Variants in PRDX1 observed in about 807,000 individuals in gnomAD.
PRDX1 encodes peroxiredoxin-1.
A neutral mutation model predicts 20.7 loss-of-function variants in PRDX1; 19 were observed. The ratio of observed to expected loss-of-function variants is 0.92; its 90% CI spans 0.64 to 1.35. The LOEUF (loss-of-function observed/expected upper bound fraction) is 1.35, where lower values mean the gene tolerates loss of function less well. PRDX1 is among the 40% of genes most tolerant of loss of function. PRDX1 has a pLI of 0.00. For synonymous variants in PRDX1, 89 were observed against 83.9 expected (o/e 1.06, Z -0.33); for missense variants, 226 against 240.0 (o/e 0.94, Z 0.38).
At position 45,518,510 on chromosome 1, in the gene PRDX1, A is replaced by G. The variant is rs34965970; in HGVS notation, c.106+428T>C. On this transcript the variant is annotated intron_variant, in intron 2 of 5. Coordinates refer to ENST00000319248, the MANE Select transcript of PRDX1 (RefSeq NM_181697.3). ...AAAAAAGTACAAAAATTAGCCAGGC[A>G]TGGCAGCATGCCCCTACAGTCCCAG... Among the ~76,000 whole-genome samples, 959 of 149,824 alleles carry G rather than the reference A, an allele frequency of 6.4e-3. 9 individuals are homozygous for G. The highest frequency in any genetic ancestry group is 0.023 in the African/African-American group (925 of 40,676).
At chr1:45,519,204 G>C in intron 1 of PRDX1, 150 bp from the exon 2 acceptor site, 1 of 568,714 alleles carries the variant, frequency 1.8e-6, no homozygotes, top group Non-Finnish European at 3.0e-6. Context: ...AGAAGCTCCA[G>C]CCAGCAGTCA....
At chr1:45,513,585 C>A (rs1393798018) in intron 5 of PRDX1, among the ~76,000 whole-genome samples, 1 of 152,150 alleles carries the variant, frequency 6.6e-6, no homozygotes, top group African/African-American at 2.4e-5. Flanking sequence ...CCATTTTGTT[C>A]TGTACTAAGA....
In PRDX1 at chr1:45,515,658, C is replaced by T. The variant is rs753434925; in HGVS notation, c.256G>A (p.Ala86Thr). 5 of 1,566,072 alleles carry T rather than the reference C, an allele frequency of 3.2e-6. No individual in the cohort carries two copies. The South Asian group carries it at 5.9e-5, about 18-fold the overall frequency. ...ASVDSHFCHLAWVNTPKKQGG... is the reference protein window; with the variant it reads ...ASVDSHFCHLTWVNTPKKQGG... ...CAAATAGACCAAGAGATTTACCATG[C>T]TAGATGACAGAAGTGAGAATCCACA... The change falls in exon 3 of 6, where the codon GCA becomes ACA. Residue 86 changes from alanine to threonine, a missense_variant. Physicochemically the swap from Ala to Thr is moderately conservative, Grantham distance 58 (BLOSUM62 0). Transcript: ENST00000319248.
intron 2 of PRDX1, among the ~76,000 whole-genome samples, chr1:45,517,691 A>G (rs1643873371): frequency 6.7e-6 from 1 of 150,086 alleles, no homozygotes; most frequent in Admixed American, 6.7e-5. Context: ...CTGAGGCCTG[A>G]GAATGGCATG....
In PRDX1 at chr1:45,521,097, T is replaced by C. The variant is rs550506059; in HGVS notation, c.-12+732A>G. Among the ~76,000 whole-genome samples, 17 of 152,320 alleles carry C rather than the reference T, an allele frequency of 1.1e-4. No homozygotes were observed. In the East Asian group the frequency reaches 1.2e-3, roughly 10 times the overall value. On this transcript the variant is annotated intron_variant, in intron 1 of 5. Coordinates refer to ENST00000319248, the MANE Select transcript of PRDX1 (RefSeq NM_181697.3). ...ACCAAAAACTAAGGCATGCTGCAAC[T>C]TGGTGCCCCCAAATGGCCTTCTCGT...
At chr1:45,520,205 C>CAAAAAAAAAA (rs59260423) in intron 1 of PRDX1, among the ~76,000 whole-genome samples, 47 of 91,004 alleles carry the variant, frequency 5.2e-4, no homozygotes, top group African/African-American at 2.1e-3. Context: ...ACTCTGTCTC[C>CAAAAAAAAAA]AAAAAAAAAA....
At chr1:45,512,789 G>A (rs1469452154) in intron 5 of PRDX1, 1 of 152,232 alleles carries the variant, frequency 6.6e-6, no homozygotes, top group African/African-American at 2.4e-5. Flanking sequence ...AGTCTCAGCA[G>A]GTGTCAGCTG....
At chr1:45,521,058 G>GACAAAAA (rs1167901565) in intron 1 of PRDX1, among the ~76,000 whole-genome samples, 2 of 152,090 alleles carry the variant, frequency 1.3e-5, no homozygotes, top group African/African-American at 2.4e-5. Context: ...CACCTTTAAC[G>GACAAAAA]ACAAAAAACA....
chr1:45,517,021 CAAA>C (rs10700951), intron 2 of PRDX1, among the ~76,000 whole-genome samples: 6 of 89,660 alleles, frequency 6.7e-5, no homozygotes, highest in Admixed American at 1.3e-4. Context: ...AATTCCACCT[CAAA>C]AAAAAAAAAA....
In PRDX1 at chr1:45,515,829, T is replaced by TGGTTAGCA. The variant is rs771640438; in HGVS notation, c.107-30_107-23dup. ...TTTCCTGGGGGGAAAATCGGAGTCA[T>TGGTTAGCA]GGTTAGCATTTGACACAGACTTCCT... is the stretch of plus-strand genomic sequence containing the variant. On this transcript the variant is annotated intron_variant, in intron 2 of 5. Coordinates refer to ENST00000319248, the MANE Select transcript of PRDX1 (RefSeq NM_181697.3). 1.8e-5 allele frequency: 28 copies of TGGTTAGCA among 1,539,082 alleles called. No individual in the cohort carries two copies. In the East Asian group the frequency reaches 6.5e-4, roughly 36 times the overall value.
At position 45,515,780 on chromosome 1, in the gene PRDX1, G is replaced by C. The variant is rs1448035271; in HGVS notation, c.134C>G (p.Pro45Arg). Residue 45 changes from proline (P) to arginine (R), a missense_variant, in exon 3 of 6, where the codon CCT (proline) becomes CGT (arginine). Physicochemically the swap from Pro to Arg is moderately radical, Grantham distance 103. Transcript: ENST00000319248. Reference sequence around the variant, plus strand: ...GGGGCACACAAAGGTGAAGTCAAGAGGGTAAAAGAAGAACACAACATATTT... The same window carrying C: ...GGGGCACACAAAGGTGAAGTCAAGACGGTAAAAGAAGAACACAACATATTT... ...KGKYVVFFFY[P>R]LDFTFVCPTE... 9 of 1,581,690 alleles carry C rather than the reference G, an allele frequency of 5.7e-6. No individual in the cohort carries two copies. Among genetic ancestry groups the C allele is most frequent in the Non-Finnish European group, 7.7e-6 (9 of 1,169,220 alleles).
intron 2 of PRDX1, among the ~76,000 whole-genome samples, chr1:45,516,718 C>G (rs760350068): frequency 1.8e-4 from 28 of 151,990 alleles, no homozygotes; most frequent in Non-Finnish European, 3.5e-4. Context: ...AAAAGTCAAA[C>G]AGGCTGGGTG....
In PRDX1 at chr1:45,511,359, C is replaced by G. The variant is rs1296740526; in HGVS notation, c.570G>C (p.Lys190Asn). 4 of 1,613,170 alleles carry G rather than the reference C, an allele frequency of 2.5e-6. No homozygotes were observed. The highest frequency in any genetic ancestry group is 3.4e-6 in the Non-Finnish European group (4 of 1,179,664). Residue 190 changes from lysine to asparagine, a missense_variant, in exon 6 of 6, where the codon AAG becomes AAC. Transcript: ENST00000319248. ...TCTGCTTGGAGAAATATTCTTTGCT[C>G]TTTTGGACATCAGGCTTGATGGTAT... The part of the protein sequence containing the change: ...GSDTIKPDVQ[K>N]SKEYFSKQK
intron 2 of PRDX1, among the ~76,000 whole-genome samples, chr1:45,517,219 T>A (rs1458647236): frequency 6.6e-6 from 1 of 151,926 alleles, no homozygotes; most frequent in Non-Finnish European, 1.5e-5. Flanking sequence ...CCAGGTCACC[T>A]CCCTATGGTG....
chr1:45,521,766 A>C (rs1643916000), intron 1 of PRDX1, 63 bp downstream of exon 1: 1 of 152,676 alleles, frequency 6.5e-6, no homozygotes, highest in Admixed American at 6.5e-5. Flanking sequence ...GAGGAGGAAG[A>C]GGCAACAGGC....
chr1:45,520,092 C>T (rs1396432988), intron 1 of PRDX1, among the ~76,000 whole-genome samples: 1 of 151,538 alleles, frequency 6.6e-6, no homozygotes, highest in African/African-American at 2.4e-5. Context: ...GTAATCGCAA[C>T]TACTCAGGAG....
intron 2 of PRDX1, among the ~76,000 whole-genome samples, chr1:45,517,354 T>C (rs1643870624): frequency 6.6e-6 from 1 of 152,116 alleles, no homozygotes; most frequent in South Asian, 2.1e-4. Context: ...AAAAGGACAC[T>C]TGACACCTGA....
intron 2 of PRDX1, among the ~76,000 whole-genome samples, chr1:45,517,007 T>C (rs1412522924): frequency 2.5e-5 from 3 of 118,956 alleles, no homozygotes; most frequent in African/African-American, 3.6e-5. Flanking sequence ...TGCGACAAGA[T>C]CAAAATTCCA....
chr1:45,519,249 G>A (rs1643887668), intron 1 of PRDX1, among the ~76,000 whole-genome samples, 195 bp from the exon 2 acceptor site: 1 of 152,238 alleles, frequency 6.6e-6, no homozygotes, highest in Non-Finnish European at 1.5e-5. Context: ...CTTTTGGAAC[G>A]AAACAAGTCT....
Sources: allele counts gnomAD v4.1 joint callset (sites outside exome capture counted in the v4.1 genomes callset), GRCh38; gene constraint gnomAD v4.1.1; transcripts MANE v1.5; gene names NCBI Gene and HGNC (gene_info 2026-07-23, HGNC 2026-07-21).